Variants in AP1S1 observed in about 807,000 individuals in gnomAD.
AP1S1 encodes adaptor related protein complex 1 subunit sigma 1, also known as AP-1 complex subunit sigma-1A.
AP1S1 carries 13 observed loss-of-function variants against 23.9 expected under a neutral mutation model. The observed-to-expected ratio is 0.54, with a 90% CI of 0.35 to 0.86. The LOEUF (loss-of-function observed/expected upper bound fraction) is 0.86, where lower values mean the gene tolerates loss of function less well. AP1S1 is among the 40% of genes least tolerant of loss of function. The pLI is 0.01. For missense variants in AP1S1, 119 were observed against 197.6 expected, an observed-to-expected ratio of 0.60 and a Z score of 2.38; for synonymous variants, 84 against 77.7, an observed-to-expected ratio of 1.08 and a Z score of -0.43.
At position 101,160,839 on chromosome 7, in the gene AP1S1, T is replaced by C; in HGVS notation, c.*273T>C. 1 of 655,080 alleles carries C rather than the reference T, an allele frequency of 1.5e-6. No individual in the cohort carries two copies. Among genetic ancestry groups the C allele is most frequent in the Non-Finnish European group, 2.8e-6 (1 of 354,818 alleles). 40.6% of individuals were successfully genotyped at this position (655,080 alleles called of 1,614,324 possible). A position where few individuals can be genotyped will look rare whatever the true frequency, so the allele number is the denominator to read the frequency against. ...TGCTATTTGGCTTTTATTCCCTGCC[T>C]TTGCAGAACTGATGTCACCCCAGAT... is the stretch of plus-strand genomic sequence containing the variant. On this transcript the variant is annotated 3_prime_UTR_variant, in exon 5 of 5. Coordinates refer to ENST00000337619, the MANE Select transcript of AP1S1 (RefSeq NM_001283.5).
chr7:101,159,793 C>T (rs1212753931), intron 4 of AP1S1, among the ~76,000 whole-genome samples: 1 of 151,792 alleles, frequency 6.6e-6, no homozygotes, highest in Non-Finnish European at 1.5e-5. Flanking sequence ...ATCACCGAGC[C>T]CTGGTGCAGG....
At chr7:101,159,273 C>T (rs548635379) in intron 4 of AP1S1, 77 bp downstream of exon 4, 9 of 1,528,676 alleles carry the variant, frequency 5.9e-6, no homozygotes, top group Middle Eastern at 4.5e-4. Context: ...GGACACCCGG[C>T]CTGCCCTGCC....
intron 1 of AP1S1, among the ~76,000 whole-genome samples, chr7:101,155,884 A>T (rs1346403210): frequency 6.6e-6 from 1 of 152,134 alleles, no homozygotes; most frequent in Non-Finnish European, 1.5e-5. Flanking sequence ...CATTTTACTT[A>T]CCTTTAGAAA....
chr7:101,157,238 C>T, intron 2 of AP1S1, 139 bp from the exon 3 acceptor site: 1 of 612,038 alleles, frequency 1.6e-6, no homozygotes, highest in Non-Finnish European at 2.9e-6. Flanking sequence ...AGGTGAGTTA[C>T]TCTTTACATG....
Position 101,160,587 on chromosome 7 carries a change from G to A in AP1S1, c.*21G>A, listed in dbSNP as rs1203737631. On this transcript the variant is annotated 3_prime_UTR_variant, in exon 5 of 5. Transcript: ENST00000337619. ...CATAGCCCCTGCTGGGCCGGGGTGTGGCGATGGGGTCCTGGCAGCGTGGCG... is the reference window on the plus strand; with the variant it reads ...CATAGCCCCTGCTGGGCCGGGGTGTAGCGATGGGGTCCTGGCAGCGTGGCG... 27 of 1,609,856 alleles carry A rather than the reference G, an allele frequency of 1.7e-5. No homozygotes were observed. The highest frequency in any genetic ancestry group is 2.3e-5 in the Non-Finnish European group (27 of 1,179,720).
intron 1 of AP1S1, among the ~76,000 whole-genome samples, chr7:101,156,062 T>A (rs1796986472): frequency 6.6e-6 from 1 of 152,024 alleles, no homozygotes; most frequent in Non-Finnish European, 1.5e-5. Context: ...TGAAACCACA[T>A]CTCTACTAAA....
intron 3 of AP1S1, among the ~76,000 whole-genome samples, chr7:101,158,474 C>T (rs571883922): frequency 7.6e-4 from 116 of 152,260 alleles, no homozygotes; most frequent in Non-Finnish European, 1.3e-3. Flanking sequence ...GTCCAGGAAG[C>T]GGGGCTACCA....
At chr7:101,155,820 A>G (rs1023570877) in intron 1 of AP1S1, among the ~76,000 whole-genome samples, 3 of 152,218 alleles carry the variant, frequency 2.0e-5, no homozygotes, top group Non-Finnish European at 2.9e-5. Context: ...AGAGGGTGGA[A>G]GAGAACAGGC....
chr7:101,154,551 C>A, intron 1 of AP1S1, 34 bp downstream of exon 1: 2 of 1,541,114 alleles, frequency 1.3e-6, no homozygotes, highest in East Asian at 2.4e-5. Flanking sequence ...GAGGGGGAAG[C>A]GAGGGGCGTG....
intron 1 of AP1S1, among the ~76,000 whole-genome samples, chr7:101,155,659 C>T (rs1018889423): frequency 3.9e-5 from 6 of 152,178 alleles, no homozygotes; most frequent in African/African-American, 1.4e-4. Context: ...GAGATACATA[C>T]TACAGAGGAG....
rs777011867 is a variant in AP1S1, at chr7:101,157,360, T to C, written c.183-17T>C. On this transcript the variant is annotated splice_polypyrimidine_tract_variant and intron_variant, in intron 2 of 4. Coordinates refer to ENST00000337619, the MANE Select transcript of AP1S1 (RefSeq NM_001283.5). ...GAAGCAAGCTTGTAGCGATGTCTCA[T>C]GCGCTCCTCTCCGCAGATATGCCAG... is the stretch of plus-strand genomic sequence containing the variant. 7.1e-5 allele frequency: 110 copies of C among 1,543,778 alleles called. No homozygotes were observed. The highest frequency in any genetic ancestry group is 9.0e-5 in the Non-Finnish European group (103 of 1,138,986).
chr7:101,159,523 C>T (rs796965054), intron 4 of AP1S1: 1 of 287,796 alleles, frequency 3.5e-6, no homozygotes, highest in Non-Finnish European at 6.4e-6. Flanking sequence ...AGGGTTTGCT[C>T]TGGAGTTAAG....
intron 1 of AP1S1, chr7:101,155,158 C>G: frequency 1.8e-5 from 8 of 451,786 alleles, no homozygotes; most frequent in Non-Finnish European, 2.0e-5. Context: ...CCTGCTTGCT[C>G]CCCACCCCCC....
intron 3 of AP1S1, 41 bp downstream of exon 3, chr7:101,157,526 C>G (rs1392939744): frequency 6.7e-7 from 1 of 1,484,782 alleles, no homozygotes; most frequent in East Asian, 2.5e-5. Context: ...CCCAGCAATC[C>G]CCTTTGGTAA....
At chr7:101,155,067 G>A (rs903006052) in intron 1 of AP1S1, 104 of 981,680 alleles carry the variant, frequency 1.1e-4, no homozygotes, top group Non-Finnish European at 1.2e-4. Flanking sequence ...TTCTCCGAGG[G>A]ACCCAGGCTT....
chr7:101,154,993 C>A (rs6970645), intron 1 of AP1S1: 2 of 998,008 alleles, frequency 2.0e-6, no homozygotes, highest in African/African-American at 3.5e-5. Flanking sequence ...CGCCCTACTG[C>A]GTTCGTGGCC....
chr7:101,155,545 C>T (rs1036445133), intron 1 of AP1S1, among the ~76,000 whole-genome samples: 2 of 152,074 alleles, frequency 1.3e-5, no homozygotes, highest in Non-Finnish European at 2.9e-5. Context: ...CAGGAGGCAC[C>T]CTAAAAGGAA....
Position 101,154,501 on chromosome 7 carries a change from C to T in AP1S1, c.-14C>T. The T allele has an allele frequency of 6.4e-7, 1 of 1,573,544 alleles. No homozygotes were observed. Among genetic ancestry groups the T allele is most frequent in the Non-Finnish European group, 8.6e-7 (1 of 1,160,216 alleles). On this transcript the variant is annotated 5_prime_UTR_variant, in exon 1 of 5. Coordinates refer to ENST00000337619, the MANE Select transcript of AP1S1 (RefSeq NM_001283.5). ...GGTGGCCGAAGTGGGACGCGCCGAG[C>T]CGGAGGCTGCAGGATGGTAGGCTGT... is the stretch of plus-strand genomic sequence containing the variant.
At position 101,159,605 on chromosome 7, in the gene AP1S1, CTCTT is replaced by C. The variant is rs1797054598; in HGVS notation, c.429+411_429+414del. 2.3e-5 allele frequency: 4 copies of C among 170,856 alleles called. No homozygotes were observed. The East Asian group carries it at 6.9e-4, about 30-fold the overall frequency. The allele number at this position is 170,856 out of a possible 1,614,324, so 10.6% of individuals were successfully genotyped here. ...TCTTCCCTGATTTCTTCCCCCACCT[CTCTT>C]TTTTTTTTCTTTTTTTTTTTTTTAA... is the stretch of plus-strand genomic sequence containing the variant. On this transcript the variant is annotated intron_variant, in intron 4 of 4. Transcript: ENST00000337619.
Sources: allele counts gnomAD v4.1 joint callset (sites outside exome capture counted in the v4.1 genomes callset), GRCh38; gene constraint gnomAD v4.1.1; transcripts MANE v1.5; gene names NCBI Gene and HGNC (gene_info 2026-07-23, HGNC 2026-07-21).